The following NTM variants were observed in gnomAD, a reference collection of about 807,000 sequenced individuals.
The protein encoded by NTM is neurotrimin, also known as IgLON family member 2.
Under a neutral mutation model 42.1 loss-of-function variants are expected in NTM, and 13 were observed. That is an observed-to-expected ratio of 0.31 (90% CI 0.20 to 0.49). NTM has a LOEUF of 0.49. NTM is among the 20% of genes least tolerant of loss of function. The pLI, the probability that NTM is intolerant of heterozygous loss-of-function variation, is 0.99. For missense variants in NTM, 373 were observed against 452.8 expected, an observed-to-expected ratio of 0.82 and a Z score of 1.60; for synonymous variants, 187 against 179.2, an observed-to-expected ratio of 1.04 and a Z score of -0.35.
intron 2 of NTM, among the ~76,000 whole-genome samples, chr11:131,955,347 C>T (rs2061444401): frequency 6.6e-6 from 1 of 152,112 alleles, no homozygotes; most frequent in African/African-American, 2.4e-5. Context: ...GCTACTTGAT[C>T]TTTTGTCCCT....
At chr11:131,788,564 A>G (rs1327695833) in intron 1 of NTM, among the ~76,000 whole-genome samples, 1 of 152,136 alleles carries the variant, frequency 6.6e-6, no homozygotes, top group Non-Finnish European at 1.5e-5. Flanking sequence ...ACACAATCAG[A>G]CGTGTTTTCT....
intron 2 of NTM, among the ~76,000 whole-genome samples, chr11:132,097,922 A>G (rs1304192043): frequency 1.3e-5 from 2 of 152,246 alleles, no homozygotes; most frequent in Non-Finnish European, 2.9e-5. Flanking sequence ...CCGTTTTGCA[A>G]TTGAGGCAAA....
intron 4 of NTM, among the ~76,000 whole-genome samples, chr11:132,247,345 A>G (rs116342212): frequency 0.017 from 2,645 of 152,316 alleles, 61 homozygotes; most frequent in African/African-American, 0.053. Flanking sequence ...GAGGCTCCTG[A>G]TGAATCACAA....
intron 4 of NTM, among the ~76,000 whole-genome samples, chr11:132,262,824 G>C (rs559243319): frequency 6.6e-6 from 1 of 152,106 alleles, no homozygotes; most frequent in African/African-American, 2.4e-5. Flanking sequence ...GTCTTAACTC[G>C]CTCCAGAATG....
intron 2 of NTM, among the ~76,000 whole-genome samples, chr11:132,145,022 G>T (rs557291562): frequency 2.9e-4 from 44 of 152,298 alleles, no homozygotes; most frequent in Admixed American, 2.3e-3. Context: ...AGTAGCACTT[G>T]TTAGAATTTT....
At chr11:132,205,255 T>G (rs1406405071) in intron 3 of NTM, among the ~76,000 whole-genome samples, 1 of 152,204 alleles carries the variant, frequency 6.6e-6, no homozygotes, top group African/African-American at 2.4e-5. Context: ...GTGGCTTATG[T>G]GCATTCTCAG....
At chr11:132,285,628 T>C (rs957671415) in intron 4 of NTM, among the ~76,000 whole-genome samples, 1 of 152,214 alleles carries the variant, frequency 6.6e-6, no homozygotes, top group Non-Finnish European at 1.5e-5. Context: ...CCATGAGTTA[T>C]ATTCACAGCG....
chr11:132,020,245 C>T (rs1395831418), intron 2 of NTM, among the ~76,000 whole-genome samples: 2 of 152,050 alleles, frequency 1.3e-5, no homozygotes. Context: ...CACTGATGGG[C>T]ACCTGGGCTG....
intron 2 of NTM, among the ~76,000 whole-genome samples, chr11:132,106,768 C>T (rs2062427784): frequency 6.6e-6 from 1 of 152,196 alleles, no homozygotes; most frequent in Admixed American, 6.5e-5. Context: ...CACAGCATCC[C>T]TTCCCAGGTG....
chr11:132,035,459 A>G lies in NTM; in HGVS notation c.168-110823A>G, dbSNP rs562091308. 2.9e-4 allele frequency among the ~76,000 whole-genome samples: 44 copies of G among 152,388 alleles called. 1 individual carries two copies. The highest frequency in any genetic ancestry group is 2.5e-3 in the Admixed American group (39 of 15,302). ...ATATTTGCTGAATGATCCACCACAC[A>G]GAATTTCTTAATGCCTCTGCATAAT... On this transcript the variant is annotated intron_variant, in intron 2 of 8. Coordinates refer to ENST00000683400, the MANE Select transcript of NTM (RefSeq NM_001352005.2).
At chr11:132,066,831 C>G (rs1213216698) in intron 2 of NTM, among the ~76,000 whole-genome samples, 1 of 152,166 alleles carries the variant, frequency 6.6e-6, no homozygotes, top group Non-Finnish European at 1.5e-5. Flanking sequence ...ATCTTCCCAT[C>G]TATGGATCCT....
At chr11:131,749,528 A>G (rs2082220159) in intron 1 of NTM, among the ~76,000 whole-genome samples, 1 of 152,186 alleles carries the variant, frequency 6.6e-6, no homozygotes, top group African/African-American at 2.4e-5. Flanking sequence ...CCCTACCTTG[A>G]TCCCTTAGCC....
At chr11:132,289,307 T>C (rs566026025) in intron 4 of NTM, among the ~76,000 whole-genome samples, 2 of 152,350 alleles carry the variant, frequency 1.3e-5, no homozygotes, top group South Asian at 4.1e-4. Context: ...TTTGAGAATA[T>C]ACAGGCAGAG....
At chr11:132,207,534 T>G (rs1285247941) in intron 3 of NTM, among the ~76,000 whole-genome samples, 1 of 152,164 alleles carries the variant, frequency 6.6e-6, no homozygotes, top group Non-Finnish European at 1.5e-5. Flanking sequence ...GCATAATAAA[T>G]GTAATGTGCT....
At chr11:132,004,380 C>T (rs2070211452) in intron 2 of NTM, among the ~76,000 whole-genome samples, 1 of 152,090 alleles carries the variant, frequency 6.6e-6, no homozygotes, top group Admixed American at 6.6e-5. Flanking sequence ...GTTTCCAGCA[C>T]CTCTTTCTTT....
chr11:131,463,475 C>A (rs955778857), intron 1 of NTM, among the ~76,000 whole-genome samples: 1 of 152,146 alleles, frequency 6.6e-6, no homozygotes, highest in Non-Finnish European at 1.5e-5. Flanking sequence ...GCTGTGTGGC[C>A]GCTGGGGCCC....
At chr11:131,487,232 C>T (rs1954275558) in intron 1 of NTM, among the ~76,000 whole-genome samples, 1 of 152,156 alleles carries the variant, frequency 6.6e-6, no homozygotes, top group African/African-American at 2.4e-5. Context: ...TTGTTATAGC[C>T]TCGTGTTTTG....
chr11:131,973,982 T>A (rs1003237709), intron 2 of NTM, among the ~76,000 whole-genome samples: 4 of 152,162 alleles, frequency 2.6e-5, no homozygotes, highest in Admixed American at 2.0e-4. Flanking sequence ...CTGGAGATGG[T>A]GAGGACGAAG....
intron 2 of NTM, among the ~76,000 whole-genome samples, chr11:131,983,286 A>G (rs149424518): frequency 1.3e-5 from 2 of 152,106 alleles, no homozygotes; most frequent in East Asian, 1.9e-4. Context: ...GTTGAGTCCA[A>G]CCTCTCTAAA....
Sources: gnomAD v4.1 joint callset for allele counts (sites outside exome capture counted in the v4.1 genomes callset) on GRCh38, gnomAD v4.1.1 for gene constraint, MANE v1.5 for transcripts, NCBI Gene and HGNC (gene_info 2026-07-23, HGNC 2026-07-21) for gene names.